TBC1D22A: variants seen among roughly 807,000 people sequenced by gnomAD.
TBC1D22A encodes the protein putative GTPase activator.
TBC1D22A carries 38 observed loss-of-function variants against 60.2 expected under a neutral mutation model. The ratio of observed to expected loss-of-function variants is 0.63; its 90% CI spans 0.49 to 0.83. TBC1D22A has a LOEUF of 0.83. Among genes scored for constraint, TBC1D22A ranks in the 40% least tolerant of loss-of-function variants. TBC1D22A has a pLI of 0.00. For synonymous variants in TBC1D22A, 302 were observed against 281.7 expected, an observed-to-expected ratio of 1.07 and a Z score of -0.72; for missense variants, 628 against 701.0, an observed-to-expected ratio of 0.90 and a Z score of 1.18.
At chr22:47,014,470 G>A (rs1234425071) in intron 10 of TBC1D22A, among the ~76,000 whole-genome samples, 1 of 152,174 alleles carries the variant, frequency 6.6e-6, no homozygotes, top group Non-Finnish European at 1.5e-5. Flanking sequence ...TATTGAGGTG[G>A]CTCCCGCTCG....
chr22:46,799,610 C>T (rs1017770919), intron 4 of TBC1D22A, among the ~76,000 whole-genome samples: 15 of 152,200 alleles, frequency 9.9e-5, no homozygotes, highest in Non-Finnish European at 2.1e-4. Context: ...GGGGACCATG[C>T]GTTCCATTTG....
At chr22:46,829,333 A>G (rs1450457975) in intron 4 of TBC1D22A, among the ~76,000 whole-genome samples, 1 of 152,088 alleles carries the variant, frequency 6.6e-6, no homozygotes, top group Non-Finnish European at 1.5e-5. Flanking sequence ...AAATTAGGTA[A>G]TGTTTGGGAT....
At chr22:46,816,450 A>G (rs1462601355) in intron 4 of TBC1D22A, among the ~76,000 whole-genome samples, 2 of 152,238 alleles carry the variant, frequency 1.3e-5, no homozygotes, top group Non-Finnish European at 2.9e-5. Flanking sequence ...CACTGAATGA[A>G]GTTATTCTTT....
chr22:46,993,263 A>G (rs2075010832), intron 9 of TBC1D22A, among the ~76,000 whole-genome samples: 2 of 152,204 alleles, frequency 1.3e-5, no homozygotes, highest in South Asian at 4.1e-4. Context: ...TGTAATGGCA[A>G]CAGGTGTAAG....
intron 11 of TBC1D22A, among the ~76,000 whole-genome samples, chr22:47,075,534 C>G (rs973442592): frequency 2.6e-5 from 4 of 151,960 alleles, no homozygotes; most frequent in African/African-American, 9.7e-5. Context: ...AAAGGGTGAC[C>G]ACTATAAATG....
At chr22:47,120,782 C>G (rs2066244440) in intron 12 of TBC1D22A, among the ~76,000 whole-genome samples, 1 of 152,210 alleles carries the variant, frequency 6.6e-6, no homozygotes, top group South Asian at 2.1e-4. Flanking sequence ...CCAGCTCACC[C>G]TTTCACTCAT....
chr22:46,884,518 T>C (rs550515337), intron 5 of TBC1D22A, among the ~76,000 whole-genome samples: 2 of 152,222 alleles, frequency 1.3e-5, no homozygotes, highest in East Asian at 3.9e-4. Flanking sequence ...GAGGGTGCTC[T>C]TGTGGAAAGG....
chr22:47,146,634 T>C (rs985694480), intron 12 of TBC1D22A, among the ~76,000 whole-genome samples: 3 of 152,144 alleles, frequency 2.0e-5, no homozygotes, highest in Admixed American at 1.3e-4. Flanking sequence ...GCTGCAGGAA[T>C]TGATTTAGAC....
intron 9 of TBC1D22A, among the ~76,000 whole-genome samples, chr22:46,976,656 T>G (rs188718713): frequency 2.0e-5 from 3 of 152,370 alleles, no homozygotes; most frequent in South Asian, 2.1e-4. Flanking sequence ...TTTCATTCTT[T>G]TGGAACTGCT....
intron 9 of TBC1D22A, among the ~76,000 whole-genome samples, chr22:46,983,352 A>G (rs567177479): frequency 6.6e-6 from 1 of 152,374 alleles, no homozygotes; most frequent in South Asian, 2.1e-4. Flanking sequence ...CTCAATGTTG[A>G]GGACAGAATT....
rs1294347355 is a variant in TBC1D22A, at chr22:47,009,738, C to T, written c.1201+12029C>T. ...ATCACTATCACCATCATTTCCTCAC[C>T]ATCATCACCATCAACAAACTGTACA... On this transcript the variant is annotated intron_variant, in intron 10 of 12. Transcript: ENST00000337137. The surrounding 1 kb of genome is among the most constrained non-coding windows in gnomAD (Gnocchi z 5.8). 1.3e-5 allele frequency among the ~76,000 whole-genome samples: 2 copies of T among 152,216 alleles called. No homozygotes were observed. The highest frequency in any genetic ancestry group is 4.8e-5 in the African/African-American group (2 of 41,464).
At chr22:46,999,673 G>A (rs942851426) in intron 10 of TBC1D22A, among the ~76,000 whole-genome samples, 4 of 151,914 alleles carry the variant, frequency 2.6e-5, no homozygotes, top group African/African-American at 9.7e-5. Context: ...TGCAGGGATT[G>A]TAAAGATTTT....
At chr22:47,109,882 T>C (rs2065784168) in intron 11 of TBC1D22A, among the ~76,000 whole-genome samples, 1 of 152,178 alleles carries the variant, frequency 6.6e-6, no homozygotes, top group Non-Finnish European at 1.5e-5. Flanking sequence ...CTTGAATTTC[T>C]GATGACCGTG....
chr22:47,101,098 A>G (rs528224895), intron 11 of TBC1D22A, among the ~76,000 whole-genome samples: 4 of 152,348 alleles, frequency 2.6e-5, no homozygotes, highest in African/African-American at 9.6e-5. Context: ...TTGAGTCATC[A>G]GTCAAAGCTG....
chr22:46,793,546 C>T lies in TBC1D22A; in HGVS notation c.165C>T (p.Ala55=), dbSNP rs1226577358. The T allele has an allele frequency of 6.8e-6, 11 of 1,614,056 alleles. No individual in the cohort carries two copies. The highest frequency in any genetic ancestry group is 9.3e-6 in the Non-Finnish European group (11 of 1,180,056). ...TAKMPTTPVK[A]KRVSTFQEFE... is the part of the protein sequence containing the mutation. ...AGATGCCGACCACACCAGTGAAGGC[C>T]AAGAGGGTCAGCACCTTCCAGGAGT... Residue 55 remains alanine (A), a synonymous_variant, in exon 3 of 13, where the codon GCC becomes GCT. Transcript: ENST00000337137.
At chr22:46,878,345 G>GGAGGGAGA (rs1555921965) in intron 4 of TBC1D22A, among the ~76,000 whole-genome samples, 66 of 147,514 alleles carry the variant, frequency 4.5e-4, no homozygotes, top group African/African-American at 6.0e-4. Flanking sequence ...GAGGTGGGAG[G>GGAGGGAGA]GAAGGAGGCC....
intron 12 of TBC1D22A, among the ~76,000 whole-genome samples, chr22:47,121,032 A>G (rs1342270010): frequency 2.0e-5 from 3 of 152,264 alleles, no homozygotes; most frequent in South Asian, 2.1e-4. Context: ...CTTAATATGC[A>G]GAGAACTCAC....
At chr22:46,983,971 A>T (rs1405211430) in intron 9 of TBC1D22A, among the ~76,000 whole-genome samples, 2 of 152,082 alleles carry the variant, frequency 1.3e-5, no homozygotes, top group Non-Finnish European at 2.9e-5. Flanking sequence ...CCTGAAGATA[A>T]CTGGCTTTGA....
chr22:46,961,403 T>A (rs1297906215), intron 8 of TBC1D22A, among the ~76,000 whole-genome samples: 1 of 152,222 alleles, frequency 6.6e-6, no homozygotes, highest in African/African-American at 2.4e-5. Flanking sequence ...CCTTAGCTCA[T>A]AGTGCATTTC....
Sources: gnomAD v4.1 joint callset for allele counts (sites outside exome capture counted in the v4.1 genomes callset) on GRCh38, gnomAD v4.1.1 for gene constraint, Gnocchi (gnomAD v3.1) non-coding constraint, MANE v1.5 for transcripts, NCBI Gene and HGNC (gene_info 2026-07-23, HGNC 2026-07-21) for gene names.